LSG1: variants seen among roughly 807,000 people sequenced by gnomAD.
LSG1 encodes large subunit GTPase 1 homolog.
In LSG1, 55 loss-of-function variants were observed where a neutral mutation model predicts 82.6. The ratio of observed to expected loss-of-function variants is 0.67; its 90% CI spans 0.54 to 0.83. The LOEUF (loss-of-function observed/expected upper bound fraction) is 0.83. Ranked by LOEUF, LSG1 falls within the 40% of genes least tolerant of loss-of-function variation. The pLI, the probability that LSG1 is intolerant of heterozygous loss-of-function variation, is 0.00. For missense variants in LSG1, 809 were observed against 807.9 expected, an observed-to-expected ratio of 1.00 and a Z score of -0.02; for synonymous variants, 272 against 282.5, an observed-to-expected ratio of 0.96 and a Z score of 0.37.
intron 2 of LSG1, 75 bp downstream of exon 2, chr3:194,669,934 A>G (rs1225040625): frequency 4.5e-6 from 7 of 1,543,926 alleles, no homozygotes; most frequent in Non-Finnish European, 6.1e-6. Flanking sequence ...CCATCTCAAA[A>G]CAAAAAACAA....
intron 5 of LSG1, among the ~76,000 whole-genome samples, chr3:194,664,791 G>A (rs954235796): frequency 2.6e-4 from 40 of 152,060 alleles, no homozygotes; most frequent in African/African-American, 8.0e-4. Flanking sequence ...GTGGTGGTGT[G>A]CGCCTGTAAT....
chr3:194,671,996 T>C lies in LSG1; in HGVS notation c.99+68A>G, dbSNP rs904914653. 6.1e-6 allele frequency: 9 copies of C among 1,465,804 alleles called. 1 individual carries two copies. The highest frequency in any genetic ancestry group is 1.7e-5 in the Admixed American group (1 of 59,172). 90.8% of individuals were successfully genotyped at this position (1,465,804 alleles called of 1,614,324 possible). A position where few individuals can be genotyped will look rare whatever the true frequency, so the allele number is the denominator to read the frequency against. ...CCCTCCTGCAAAACTTATCTGACTT[T>C]TGACCCCGAATTTTGCAGCACTCAG... is the stretch of plus-strand genomic sequence containing the variant. On this transcript the variant is annotated intron_variant, in intron 1 of 13. Transcript: ENST00000265245.
intron 4 of LSG1, 78 bp from the exon 5 acceptor site, chr3:194,665,721 T>C: frequency 1.3e-6 from 1 of 771,258 alleles, no homozygotes; most frequent in Non-Finnish European, 2.2e-6. Context: ...CTCAAATTTA[T>C]TACATTAAAA....
intron 5 of LSG1, among the ~76,000 whole-genome samples, chr3:194,661,525 C>T (rs1718929662): frequency 6.6e-6 from 1 of 152,202 alleles, no homozygotes; most frequent in Admixed American, 6.5e-5. Context: ...ATGGAAGTGC[C>T]TTATCTGACT....
At chr3:194,652,585 A>G (rs1352478904) in intron 8 of LSG1, 144 bp downstream of exon 8, 4 of 845,852 alleles carry the variant, frequency 4.7e-6, no homozygotes, top group African/African-American at 3.4e-5. Context: ...CCACTGCCTA[A>G]TCCCGTGATG....
chr3:194,660,942 T>G, intron 5 of LSG1: 1 of 456,166 alleles, frequency 2.2e-6, no homozygotes, highest in Non-Finnish European at 4.4e-6. Flanking sequence ...TCCTTCAGCC[T>G]CTGTGCTAGA....
chr3:194,645,563 C>CAG lies in LSG1; in HGVS notation c.1623+600_1623+601insCT, dbSNP rs1718523352. ...ACACACACACACACACACACACACA[C>CAG]ACACACAGACAGACACACACACACA... On this transcript the variant is annotated intron_variant, in intron 12 of 13. Transcript: ENST00000265245. Among the ~76,000 whole-genome samples the CAG allele has an allele frequency of 5.6e-4, 33 of 58,746 alleles. 3 individuals carry two copies. Among genetic ancestry groups the CAG allele is most frequent in the Admixed American group, 2.5e-3 (13 of 5,136 alleles). The allele number at this position is 58,746 out of a possible 152,430, so 38.5% of individuals were successfully genotyped here. A position where few individuals can be genotyped will look rare whatever the true frequency, so the allele number is the denominator to read the frequency against.
chr3:194,644,647 T>A lies in LSG1; in HGVS notation c.1723A>T (p.Ile575Leu). 1 of 1,613,484 alleles carries A rather than the reference T, an allele frequency of 6.2e-7. No individual in the cohort carries two copies. The highest frequency in any genetic ancestry group is 8.5e-7 in the Non-Finnish European group (1 of 1,179,650). The change falls in exon 13 of 14, where the codon ATA becomes TTA. Residue 575 changes from isoleucine to leucine, a missense_variant. Physicochemically the swap from Ile to Leu is conservative, Grantham distance 5. Coordinates refer to ENST00000265245, the MANE Select transcript of LSG1 (RefSeq NM_018385.3). ...LLENKMNSDE[I>L]KMQLGRNKKA... is the part of the protein sequence containing the mutation. ...TTATTTCTGCCTAGCTGCATTTTTA[T>A]TTCATCACTGTTCATTTTGTTCTCT...
Position 194,665,541 on chromosome 3 carries a change from G to A in LSG1, c.521+16C>T, listed in dbSNP as rs1340524710. On this transcript the variant is annotated intron_variant, in intron 5 of 13. Coordinates refer to ENST00000265245, the MANE Select transcript of LSG1 (RefSeq NM_018385.3). ...ACTACAATGTCTTTATTACACAAAA[G>A]AAAATGATAATTCACCTTCTCTCAA... 1.3e-6 allele frequency: 2 copies of A among 1,594,432 alleles called. No individual in the cohort carries two copies. The highest frequency in any genetic ancestry group is 1.7e-5 in the Admixed American group (1 of 57,276).
Position 194,666,449 on chromosome 3 carries a change from C to T in LSG1, c.347+3G>A. On this transcript the variant is annotated splice_donor_region_variant and intron_variant, in intron 3 of 13. Coordinates refer to ENST00000265245, the MANE Select transcript of LSG1 (RefSeq NM_018385.3). ...TGGCATTCTAAATTCTTCTTCAGCT[C>T]ACCTCCTCGGTATACACAAGAACTG... 1 of 1,611,892 alleles carries T rather than the reference C, an allele frequency of 6.2e-7. No homozygotes were observed. The highest frequency in any genetic ancestry group is 8.5e-7 in the Non-Finnish European group (1 of 1,179,424).
chr3:194,656,708 T>C (rs1313380387), intron 7 of LSG1, among the ~76,000 whole-genome samples: 7 of 152,058 alleles, frequency 4.6e-5, no homozygotes, highest in Admixed American at 1.3e-4. Context: ...CGTATGTTTA[T>C]TGCAGCACTA....
At position 194,665,545 on chromosome 3, in the gene LSG1, AT is replaced by A; in HGVS notation, c.521+11del. 1 of 1,595,794 alleles carries A rather than the reference AT, an allele frequency of 6.3e-7. No homozygotes were observed. Among genetic ancestry groups the A allele is most frequent in the Non-Finnish European group, 8.5e-7 (1 of 1,169,966 alleles). ...CAATGTCTTTATTACACAAAAGAAA[AT>A]GATAATTCACCTTCTCTCAATGACT... is the stretch of plus-strand genomic sequence containing the variant. On this transcript the variant is annotated intron_variant, in intron 5 of 13. Coordinates refer to ENST00000265245, the MANE Select transcript of LSG1 (RefSeq NM_018385.3).
At chr3:194,663,258 G>GCAGTTCCC (rs971456744) in intron 5 of LSG1, among the ~76,000 whole-genome samples, 66 of 152,298 alleles carry the variant, frequency 4.3e-4, no homozygotes, top group African/African-American at 1.5e-3. Flanking sequence ...CTGCTCCACA[G>GCAGTTCCC]CAGTTCCCCA....
intron 10 of LSG1, 132 bp from the exon 11 acceptor site, chr3:194,648,936 G>C: frequency 1.1e-6 from 1 of 871,400 alleles, no homozygotes; most frequent in Non-Finnish European, 1.7e-6. Context: ...GAAGAGGATA[G>C]TTTTTGATTA....
Position 194,671,336 on chromosome 3 carries a change from C to G in LSG1, c.99+728G>C, listed in dbSNP as rs559462484. Reference sequence around the variant, plus strand: ...GACCTGATGAATACTGATAAGCACTCCATGCTGTTTACTCTGCAGACTATA... The same window carrying G: ...GACCTGATGAATACTGATAAGCACTGCATGCTGTTTACTCTGCAGACTATA... On this transcript the variant is annotated intron_variant, in intron 1 of 13. Coordinates refer to ENST00000265245, the MANE Select transcript of LSG1 (RefSeq NM_018385.3). Among the ~76,000 whole-genome samples, 34 of 152,290 alleles carry G rather than the reference C, an allele frequency of 2.2e-4. No homozygotes were observed. In the South Asian group the frequency reaches 4.6e-3, roughly 20 times the overall value.
At chr3:194,650,846 T>A (rs777579688) in intron 10 of LSG1, 35 bp downstream of exon 10, 1 of 1,581,266 alleles carries the variant, frequency 6.3e-7, no homozygotes, top group Non-Finnish European at 8.6e-7. Context: ...AATATGCACG[T>A]AATAACTAGA....
chr3:194,659,160 G>C, intron 6 of LSG1, 27 bp from the exon 7 acceptor site: 3 of 1,557,970 alleles, frequency 1.9e-6, no homozygotes, highest in Non-Finnish European at 2.6e-6. Context: ...GATTTAGAAA[G>C]ACCTCTTCAA....
Position 194,653,098 on chromosome 3 carries a change from A to G in LSG1, c.804T>C (p.Phe268=). Residue 268 remains phenylalanine (F), a synonymous_variant, in exon 8 of 14, where the codon TTT becomes TTC. Coordinates refer to ENST00000265245, the MANE Select transcript of LSG1 (RefSeq NM_018385.3). ...CAGCCTGGTCGAAACTGGAATGTCC[A>G]AACTTGGTTGTGTTGCTTTGTCTAT... ...RDDRQSNTTK[F]GHSSFDQAEI... 1.9e-6 allele frequency: 3 copies of G among 1,614,206 alleles called. No individual in the cohort carries two copies. Among genetic ancestry groups the G allele is most frequent in the Non-Finnish European group, 2.5e-6 (3 of 1,180,032 alleles).
intron 13 of LSG1, among the ~76,000 whole-genome samples, chr3:194,644,128 C>T (rs375553087): frequency 2.9e-3 from 443 of 151,864 alleles, no homozygotes; most frequent in Non-Finnish European, 5.1e-3. Context: ...TTTGGGAGGC[C>T]GAGGAGGGTG....
Sources: allele counts gnomAD v4.1 joint callset (sites outside exome capture counted in the v4.1 genomes callset), GRCh38; gene constraint gnomAD v4.1.1; transcripts MANE v1.5; gene names NCBI Gene and HGNC (gene_info 2026-07-23, HGNC 2026-07-21).